Variants in GRAMD4 observed in about 807,000 individuals in gnomAD.
The protein encoded by GRAMD4 is GRAM domain-containing protein 4.
A neutral mutation model predicts 83.9 loss-of-function variants in GRAMD4; 25 were observed. The ratio of observed to expected loss-of-function variants is 0.30; its 90% CI spans 0.22 to 0.42. The LOEUF is 0.42. Among genes scored for constraint, GRAMD4 ranks in the 10% least tolerant of loss-of-function variants. The pLI is 1.00. For missense variants in GRAMD4, 593 were observed against 788.7 expected (o/e 0.75, Z 2.97); for synonymous variants, 336 against 320.9 (o/e 1.05, Z -0.50).
Position 46,621,074 on chromosome 22 carries a change from C to T in GRAMD4, c.-50+509C>T, listed in dbSNP as rs140142039. On this transcript the variant is annotated intron_variant, in intron 1 of 18. Transcript: ENST00000406902. This position sits in a 1 kb window ranked among gnomAD's most constrained non-coding sequence, Gnocchi z 5.8. ...GAGGAGCTGGGCTTCCTCCAGGGAC[C>T]GTGGAGGGGGTGGGGATGGGCAGCT... is the stretch of plus-strand genomic sequence containing the variant. Among the ~76,000 whole-genome samples, 137 of 126,358 alleles carry T rather than the reference C, an allele frequency of 1.1e-3. 1 individual carries two copies. Among genetic ancestry groups the T allele is most frequent in the East Asian group, 5.9e-3 (24 of 4,052 alleles). 82.9% of individuals were successfully genotyped at this position (126,358 alleles called of 152,430 possible). A position where few individuals can be genotyped will look rare whatever the true frequency, so the allele number is the denominator to read the frequency against.
intron 3 of GRAMD4, among the ~76,000 whole-genome samples, chr22:46,650,113 C>T (rs1279595850): frequency 2.0e-5 from 3 of 152,240 alleles, no homozygotes; most frequent in African/African-American, 7.2e-5. Flanking sequence ...TGGGTGGATT[C>T]TGAGTTCGCG....
rs1199502002 is a variant in GRAMD4, at chr22:46,665,664, T to G, written c.767T>G (p.Phe256Cys). The G allele has an allele frequency of 3.1e-6, 5 of 1,607,152 alleles. No homozygotes were observed. Among genetic ancestry groups the G allele is most frequent in the Non-Finnish European group, 4.3e-6 (5 of 1,174,252 alleles). ...GGCTGGGCCATCCCATTGTTCTTAT[T>G]TCTAGCAATTCTGAGGTTATCCCTC... ...WHGWAIPLFL[F>C]LAILRLSLNY... The change falls in exon 9 of 19, where the codon TTT (phenylalanine) becomes TGT (cysteine). Residue 256 changes from phenylalanine to cysteine, a missense_variant. By Grantham distance (205) the Phe-to-Cys change is radical (BLOSUM62 -2). Around this residue, in one of 4 missense-constraint regions of GRAMD4, gnomAD observed 312 missense variants for 350.7 expected, o/e 0.89. Coordinates refer to ENST00000406902, the MANE Select transcript of GRAMD4 (RefSeq NM_015124.5).
At chr22:46,653,349 G>T (rs1057320919) in intron 3 of GRAMD4, among the ~76,000 whole-genome samples, 1 of 152,230 alleles carries the variant, frequency 6.6e-6, no homozygotes, top group African/African-American at 2.4e-5. Flanking sequence ...GGGCTCTGGC[G>T]TTCACATTTG....
At chr22:46,628,220 C>T (rs1033670861) in intron 2 of GRAMD4, among the ~76,000 whole-genome samples, 3 of 152,212 alleles carry the variant, frequency 2.0e-5, no homozygotes, top group African/African-American at 7.2e-5. Flanking sequence ...GCTGTTTCCC[C>T]AGCTCCCTCT....
At chr22:46,630,852 G>C (rs1208968927) in intron 2 of GRAMD4, among the ~76,000 whole-genome samples, 11 of 88,768 alleles carry the variant, frequency 1.2e-4, no homozygotes, top group Non-Finnish European at 2.7e-4. Context: ...GCTGTGCGGT[G>C]TGCCCTCCAT....
chr22:46,682,550 A>T, downstream of GRAMD4: 1 of 442,554 alleles, frequency 2.3e-6, no homozygotes, highest in South Asian at 9.5e-5. Context: ...CCGCCCAGTG[A>T]CGGCCACTCC....
chr22:46,681,514 C>G (rs1291982356), downstream of GRAMD4, among the ~76,000 whole-genome samples: 1 of 152,162 alleles, frequency 6.6e-6, no homozygotes, highest in African/African-American at 2.4e-5. Context: ...ACCTGGCTAC[C>G]AGAGGGGCTG....
Position 46,668,113 on chromosome 22 carries a change from C to T in GRAMD4, c.876C>T (p.Asp292=). The change falls in exon 11 of 19, where the codon GAC becomes GAT. Residue 292 remains aspartate (D), a synonymous_variant. Transcript: ENST00000406902. The stretch of plus-strand genomic sequence containing the variant: ...TACTGAAGGAACCTCCAAAGGAAGA[C>T]CTGACTGTGTCTGAGAAGTTCCAGC... ...VSEPVEPPKE[D]LTVSEKFQLV... is the part of the protein sequence containing the mutation. 1 of 1,611,248 alleles carries T rather than the reference C, an allele frequency of 6.2e-7. No homozygotes were observed. The highest frequency in any genetic ancestry group is 8.5e-7 in the Non-Finnish European group (1 of 1,178,602).
upstream of GRAMD4, among the ~76,000 whole-genome samples, chr22:46,617,874 A>C (rs2081525289): frequency 6.6e-6 from 1 of 152,326 alleles, no homozygotes; most frequent in South Asian, 2.1e-4. Flanking sequence ...ATACTTTGCC[A>C]AGGGAAGGAA....
chr22:46,666,925 G>A (rs773662308), intron 10 of GRAMD4, 52 bp downstream of exon 10: 3 of 1,330,066 alleles, frequency 2.3e-6, no homozygotes, highest in South Asian at 1.4e-5. Flanking sequence ...ATCACGTCAG[G>A]CCTCACAGCC....
intron 3 of GRAMD4, among the ~76,000 whole-genome samples, chr22:46,639,991 A>G (rs1379320116): frequency 6.6e-6 from 1 of 152,078 alleles, no homozygotes; most frequent in Non-Finnish European, 1.5e-5. Context: ...GCTGGAATTG[A>G]TGGATCTCTG....
At chr22:46,640,980 T>A (rs1440143162) in intron 3 of GRAMD4, among the ~76,000 whole-genome samples, 1 of 152,218 alleles carries the variant, frequency 6.6e-6, no homozygotes, top group African/African-American at 2.4e-5. Context: ...GTTAATACCA[T>A]CAGCTGTCCA....
At chr22:46,615,647 TGC>T (rs2147110070), upstream of GRAMD4, among the ~76,000 whole-genome samples, 1 of 105,280 alleles carries the variant, frequency 9.5e-6, no homozygotes, top group Non-Finnish European at 1.9e-5. Context: ...GGTTCCCCTG[TGC>T]GTGTAGGTTC....
At position 46,672,344 on chromosome 22, in the gene GRAMD4, G is replaced by A. The variant is rs1389585044; in HGVS notation, c.1085-499G>A. ...GAGCCGTCTGAGCAGCTGGTCATGG[G>A]CGGCCTCTCAGCAGGGATGGGCTGG... On this transcript the variant is annotated intron_variant, in intron 13 of 18. Coordinates refer to ENST00000406902, the MANE Select transcript of GRAMD4 (RefSeq NM_015124.5). This position sits in a 1 kb window ranked among gnomAD's most constrained non-coding sequence, Gnocchi z 4.7. Among the ~76,000 whole-genome samples the A allele has an allele frequency of 2.6e-5, 4 of 151,974 alleles. No homozygotes were observed. Among genetic ancestry groups the A allele is most frequent in the African/African-American group, 9.7e-5 (4 of 41,386 alleles).
downstream of GRAMD4, among the ~76,000 whole-genome samples, chr22:46,680,661 C>CCCA (rs1601700656): frequency 7.0e-3 from 78 of 11,074 alleles, no homozygotes; most frequent in Middle Eastern, 0.062. Context: ...CACCTACCCA[C>CCCA]TCATCCATCA....
chr22:46,593,738 T>C (rs1170059422), intron 1 of GRAMD4, among the ~76,000 whole-genome samples: 1 of 152,082 alleles, frequency 6.6e-6, no homozygotes, highest in Non-Finnish European at 1.5e-5. Context: ...TTATTTATTT[T>C]TTTGAGATGG....
Position 46,620,574 on chromosome 22 carries a change from CA to C in GRAMD4, c.-50+10del, listed in dbSNP as rs2081559182. On this transcript the variant is annotated intron_variant, in intron 1 of 18. Coordinates refer to ENST00000406902, the MANE Select transcript of GRAMD4 (RefSeq NM_015124.5). This position sits in a 1 kb window ranked among gnomAD's most constrained non-coding sequence, Gnocchi z 4.7. ...ATCTGAGACAGACGGAGGTAGGGGG[CA>C]GGGGGCAGGGGGCAGGGGGACATGG... The C allele has an allele frequency of 4.3e-4, 6 of 13,988 alleles. No individual in the cohort carries two copies. Among genetic ancestry groups the C allele is most frequent in the Non-Finnish European group, 6.2e-4 (4 of 6,462 alleles). 0.9% of individuals were successfully genotyped at this position (13,988 alleles called of 1,614,324 possible). A position where few individuals can be genotyped will look rare whatever the true frequency, so the allele number is the denominator to read the frequency against.
Position 46,647,438 on chromosome 22 carries a change from C to T in GRAMD4, c.283+9478C>T, listed in dbSNP as rs545766227. ...CAGGGGTGAGCTGACCCTACCACACCGAGTTCCTGGCCTGTCCTGTCCCTG... is the reference window on the plus strand; with the variant it reads ...CAGGGGTGAGCTGACCCTACCACACTGAGTTCCTGGCCTGTCCTGTCCCTG... On this transcript the variant is annotated intron_variant, in intron 3 of 18. Coordinates refer to ENST00000406902, the MANE Select transcript of GRAMD4 (RefSeq NM_015124.5). Among the ~76,000 whole-genome samples the T allele has an allele frequency of 1.8e-4, 27 of 152,292 alleles. 2 individuals carry two copies. The highest frequency in any genetic ancestry group is 1.2e-3 in the East Asian group (6 of 5,184).
chr22:46,635,823 T>C (rs1192675014), intron 2 of GRAMD4, among the ~76,000 whole-genome samples: 1 of 123,482 alleles, frequency 8.1e-6, no homozygotes, highest in Admixed American at 9.8e-5. Context: ...TGGATGACTC[T>C]GGAGCAGGTC....
Sources: allele counts gnomAD v4.1 joint callset (sites outside exome capture counted in the v4.1 genomes callset), GRCh38; gene constraint gnomAD v4.1.1; regional missense constraint gnomAD v4.1.1; non-coding constraint Gnocchi (gnomAD v3.1); transcripts MANE v1.5; gene names NCBI Gene and HGNC (gene_info 2026-07-23, HGNC 2026-07-21).